MCMDC2: variants seen among roughly 807,000 people sequenced by gnomAD.
MCMDC2 encodes the protein minichromosome maintenance domain containing 2.
MCMDC2 carries 54 observed loss-of-function variants against 75.8 expected under a neutral mutation model. That is an observed-to-expected ratio of 0.71 (90% confidence interval 0.57 to 0.89). The LOEUF is 0.89. Ranked by LOEUF, MCMDC2 falls within the 40% of genes least tolerant of loss-of-function variation. MCMDC2 has a pLI of 0.00. For missense variants in MCMDC2, 656 were observed against 780.4 expected, an observed-to-expected ratio of 0.84 and a Z score of 1.90; for synonymous variants, 249 against 274.6, an observed-to-expected ratio of 0.91 and a Z score of 0.92.
intron 12 of MCMDC2, among the ~76,000 whole-genome samples, chr8:66,900,926 A>G (rs1191068851): frequency 1.3e-5 from 2 of 152,226 alleles, no homozygotes; most frequent in Non-Finnish European, 2.9e-5. Context: ...GTGAGCCTTT[A>G]ACTGGGAGCA....
chr8:66,885,174 A>C (rs1811778029), intron 9 of MCMDC2, among the ~76,000 whole-genome samples: 1 of 151,962 alleles, frequency 6.6e-6, no homozygotes, highest in African/African-American at 2.4e-5. Context: ...TCTACTAAAA[A>C]TACAAAAAAT....
chr8:66,871,083 C>T (rs1248073749), intron 1 of MCMDC2, among the ~76,000 whole-genome samples: 1 of 152,178 alleles, frequency 6.6e-6, no homozygotes, highest in African/African-American at 2.4e-5. Context: ...AGAATTTTAT[C>T]CCTGTTCCCT....
chr8:66,918,949 C>T, intron 14 of MCMDC2, 54 bp from the exon 15 acceptor site: 1 of 1,304,514 alleles, frequency 7.7e-7, no homozygotes, highest in Non-Finnish European at 1.0e-6. Context: ...TGATTTCATA[C>T]TTGTCATTTT....
chr8:66,881,036 A>C, intron 8 of MCMDC2, 62 bp downstream of exon 8: 1 of 1,282,180 alleles, frequency 7.8e-7, no homozygotes, highest in Non-Finnish European at 1.0e-6. Context: ...TTTGTTCAGC[A>C]GATAAGTATT....
chr8:66,924,503 C>T (rs528339414), downstream of MCMDC2, among the ~76,000 whole-genome samples: 1 of 151,728 alleles, frequency 6.6e-6, no homozygotes, highest in Non-Finnish European at 1.5e-5. Flanking sequence ...GGCGTGGTGG[C>T]AGGCGCCTGT....
chr8:66,913,822 G>A (rs930138076), intron 14 of MCMDC2, among the ~76,000 whole-genome samples: 2 of 151,720 alleles, frequency 1.3e-5, no homozygotes, highest in Non-Finnish European at 2.9e-5. Flanking sequence ...AAATTAGCCG[G>A]GTGTGGTGGT....
intron 14 of MCMDC2, among the ~76,000 whole-genome samples, chr8:66,918,271 T>TTG (rs74352948): frequency 0.12 from 18,283 of 152,238 alleles, 1,489 homozygotes; most frequent in East Asian, 0.33. Flanking sequence ...ATAGACCCCT[T>TTG]TATCAGAGAT....
chr8:66,881,012 TAAATTTA>T, intron 8 of MCMDC2, 38 bp downstream of exon 8: 1 of 1,363,086 alleles, frequency 7.3e-7, no homozygotes, highest in Non-Finnish European at 9.6e-7. Context: ...AACAAATATT[TAAATTTA>T]AATCTATTTG....
At chr8:66,882,960 A>G (rs796915849) in intron 8 of MCMDC2, among the ~76,000 whole-genome samples, 19 of 152,262 alleles carry the variant, frequency 1.2e-4, no homozygotes, top group African/African-American at 4.6e-4. Context: ...AGATGTATTT[A>G]ACTACCCAAA....
At position 66,917,568 on chromosome 8, in the gene MCMDC2, T is replaced by G. The variant is rs147772198; in HGVS notation, c.1880-1435T>G. Among the ~76,000 whole-genome samples the G allele has an allele frequency of 4.1e-3, 631 of 152,286 alleles. 4 individuals are homozygous for G. Among genetic ancestry groups the G allele is most frequent in the African/African-American group, 0.014 (594 of 41,556 alleles). On this transcript the variant is annotated intron_variant, in intron 14 of 14. Coordinates refer to ENST00000422365, the MANE Select transcript of MCMDC2 (RefSeq NM_173518.5). ...TGCGTACCCATTAAACAGTAATTCC[T>G]CGTTTCCTCCTCTACTCCTCCTGGG... is the stretch of plus-strand genomic sequence containing the variant.
At chr8:66,890,709 C>A (rs773808244) in intron 9 of MCMDC2, among the ~76,000 whole-genome samples, 156 bp from the exon 10 acceptor site, 2 of 152,038 alleles carry the variant, frequency 1.3e-5, no homozygotes, top group African/African-American at 2.4e-5. Context: ...TCAGTAGAGA[C>A]GGGATTTTAC....
intron 14 of MCMDC2, among the ~76,000 whole-genome samples, chr8:66,918,227 T>C (rs1563393737): frequency 7.2e-5 from 11 of 152,184 alleles, no homozygotes. Context: ...GTTCTCCGCC[T>C]ATTTTTTAAT....
At chr8:66,895,158 C>G (rs1306029193) in intron 10 of MCMDC2, among the ~76,000 whole-genome samples, 1 of 152,144 alleles carries the variant, frequency 6.6e-6, no homozygotes, top group Non-Finnish European at 1.5e-5. Context: ...TTATAATAGT[C>G]AATACAATGT....
chr8:66,886,705 G>A (rs1489453649), intron 9 of MCMDC2, among the ~76,000 whole-genome samples: 1 of 151,886 alleles, frequency 6.6e-6, no homozygotes, highest in African/African-American at 2.4e-5. Context: ...AACCCAGGAG[G>A]TGGAGGTTGC....
At chr8:66,885,375 A>G (rs1402704991) in intron 9 of MCMDC2, among the ~76,000 whole-genome samples, 1 of 151,736 alleles carries the variant, frequency 6.6e-6, no homozygotes, top group Non-Finnish European at 1.5e-5. Context: ...GGAAAATTGT[A>G]TTTTATTTTA....
At chr8:66,915,166 AAAAAT>A (rs1182322480) in intron 14 of MCMDC2, among the ~76,000 whole-genome samples, 12 of 152,104 alleles carry the variant, frequency 7.9e-5, no homozygotes, top group Admixed American at 7.2e-4. Context: ...CCTAATTAAA[AAAAAT>A]AAAATAAATG....
chr8:66,901,785 G>T, intron 13 of MCMDC2: 1 of 228,146 alleles, frequency 4.4e-6, no homozygotes, highest in Non-Finnish European at 7.3e-6. Flanking sequence ...CAGAAAATTA[G>T]CTAGGCGTGG....
chr8:66,906,601 T>A lies in MCMDC2; in HGVS notation c.1879+1266T>A, dbSNP rs182479299. On this transcript the variant is annotated intron_variant, in intron 14 of 14. Coordinates refer to ENST00000422365, the MANE Select transcript of MCMDC2 (RefSeq NM_173518.5). ...TTAATTTTTATGAAATAGAGATTTA[T>A]GGCCCCTAAAAGAGGTTAAATATCA... Among the ~76,000 whole-genome samples, 3 of 152,216 alleles carry A rather than the reference T, an allele frequency of 2.0e-5. No individual in the cohort carries two copies. The East Asian group carries it at 5.8e-4, about 29-fold the overall frequency.
intron 7 of MCMDC2, among the ~76,000 whole-genome samples, chr8:66,879,668 A>G (rs1381506608): frequency 6.6e-6 from 1 of 152,208 alleles, no homozygotes; most frequent in Non-Finnish European, 1.5e-5. Context: ...AAGAATCACA[A>G]GTCTTCTAAT....
Sources: allele counts gnomAD v4.1 joint callset (sites outside exome capture counted in the v4.1 genomes callset), GRCh38; gene constraint gnomAD v4.1.1; transcripts MANE v1.5; gene names NCBI Gene and HGNC (gene_info 2026-07-23, HGNC 2026-07-21).